Variants in ANKFN1 observed in about 807,000 individuals in gnomAD.
ANKFN1 encodes the protein ankyrin repeat and fibronectin type-III domain-containing protein 1.
A neutral mutation model predicts 108.7 loss-of-function variants in ANKFN1; 74 were observed. That is an observed-to-expected ratio of 0.68 (90% CI 0.56 to 0.83). ANKFN1 has a LOEUF of 0.83. Among genes scored for constraint, ANKFN1 ranks in the 40% least tolerant of loss-of-function variants. The pLI is 0.00. For synonymous variants in ANKFN1, 547 were observed against 516.2 expected, an observed-to-expected ratio of 1.06 and a Z score of -0.81; for missense variants, 1,505 against 1,382.3, an observed-to-expected ratio of 1.09 and a Z score of -1.41.
intron 8 of ANKFN1, among the ~76,000 whole-genome samples, chr17:56,414,000 T>C (rs1254838632): frequency 1.3e-5 from 2 of 152,120 alleles, no homozygotes; most frequent in Non-Finnish European, 2.9e-5. Flanking sequence ...TATTCATTTG[T>C]ATAGGTTGAA....
At chr17:56,229,661 CAAAAAAAAAAAA>C (rs58714064) in intron 3 of ANKFN1, among the ~76,000 whole-genome samples, 2 of 40,186 alleles carry the variant, frequency 5.0e-5, no homozygotes, top group African/African-American at 9.0e-5. Context: ...TTTCAGATTG[CAAAAAAAAAAAA>C]AAAAAAAAAA....
At chr17:56,354,202 G>A (rs572245863) in intron 6 of ANKFN1, among the ~76,000 whole-genome samples, 156 bp downstream of exon 6, 4 of 152,300 alleles carry the variant, frequency 2.6e-5, no homozygotes, top group Admixed American at 2.0e-4. Context: ...TGCAAATAGT[G>A]ACAGCATTTA....
chr17:56,289,526 A>G (rs751756521), intron 3 of ANKFN1, among the ~76,000 whole-genome samples: 8 of 152,152 alleles, frequency 5.3e-5, no homozygotes, highest in Non-Finnish European at 8.8e-5. Context: ...GGGCATCTCA[A>G]TTGAGTTCTT....
chr17:56,189,802 TG>T (rs1353523429), intron 1 of ANKFN1, among the ~76,000 whole-genome samples: 3 of 152,232 alleles, frequency 2.0e-5, no homozygotes, highest in Non-Finnish European at 4.4e-5. Context: ...AACTTCAGTC[TG>T]AACTTGTAAT....
intron 4 of ANKFN1, among the ~76,000 whole-genome samples, chr17:56,058,424 T>C (rs71387436): frequency 2.4e-3 from 364 of 152,370 alleles, no homozygotes; most frequent in Non-Finnish European, 4.2e-3. Flanking sequence ...AGGCAGCTTC[T>C]TTCCTTAAAC....
intron 3 of ANKFN1, among the ~76,000 whole-genome samples, chr17:56,267,130 T>C (rs1259513127): frequency 2.0e-5 from 3 of 152,172 alleles, no homozygotes; most frequent in Non-Finnish European, 4.4e-5. Context: ...CTCTCACTTA[T>C]AAGTCAGAAC....
At chr17:56,375,084 A>G (rs11871988) in intron 8 of ANKFN1, among the ~76,000 whole-genome samples, 95,917 of 152,024 alleles carry the variant, frequency 0.63, 32,956 homozygotes, top group East Asian at 0.96. Flanking sequence ...CATACTAAGT[A>G]GGGGTTAAAA....
rs151106943 is a variant in ANKFN1 at position 56,247,495 on chromosome 17, T to G, written c.53+19538T>G. ...CTTCAGAGTGATGCAAGTAGCTACA[T>G]AGTAGAAATTTATTGTTTTGAGCAT... On this transcript the variant is annotated intron_variant, in intron 3 of 20. Transcript: ENST00000682825. Among the ~76,000 whole-genome samples the G allele has an allele frequency of 3.4e-3, 512 of 152,248 alleles. 5 individuals carry two copies. The highest frequency in any genetic ancestry group is 4.2e-3 in the Non-Finnish European group (288 of 68,002).
chr17:56,330,211 A>T (rs941710608), intron 4 of ANKFN1, among the ~76,000 whole-genome samples: 1 of 92,846 alleles, frequency 1.1e-5, no homozygotes, highest in African/African-American at 2.7e-5. Context: ...ATGGAATCAC[A>T]GTTCCACATG....
intron 1 of ANKFN1, among the ~76,000 whole-genome samples, chr17:56,212,308 TG>T (rs1915077696): frequency 1.3e-5 from 2 of 152,202 alleles, no homozygotes; most frequent in East Asian, 3.9e-4. Flanking sequence ...ATGTACTTTT[TG>T]TTTTTAATTC....
intron 3 of ANKFN1, among the ~76,000 whole-genome samples, chr17:56,231,631 C>T (rs1168680600): frequency 1.3e-5 from 2 of 152,176 alleles, no homozygotes; most frequent in East Asian, 1.9e-4. Context: ...CTATGCCCAT[C>T]GTTCTTGGGC....
chr17:56,048,860 C>A (rs1427540434), intron 4 of ANKFN1, among the ~76,000 whole-genome samples: 1 of 152,114 alleles, frequency 6.6e-6, no homozygotes, highest in Non-Finnish European at 1.5e-5. Flanking sequence ...TAGAGCTAAG[C>A]GCACTTCTTG....
chr17:56,386,183 A>C (rs1308828198), intron 8 of ANKFN1, among the ~76,000 whole-genome samples: 5 of 151,552 alleles, frequency 3.3e-5, no homozygotes, highest in African/African-American at 4.8e-5. Context: ...GACATGGATG[A>C]AACTGGAAAT....
intron 4 of ANKFN1, among the ~76,000 whole-genome samples, chr17:56,330,297 C>T (rs2045628357): frequency 8.2e-6 from 1 of 122,546 alleles, no homozygotes; most frequent in Non-Finnish European, 1.9e-5. Context: ...CAGGCAAGAG[C>T]ACTTGTGCAG....
At chr17:56,420,683 C>CTTTT (rs755355387) in intron 8 of ANKFN1, among the ~76,000 whole-genome samples, 34 of 119,422 alleles carry the variant, frequency 2.8e-4, no homozygotes, top group Middle Eastern at 4.7e-3. Flanking sequence ...CTGACTCCTT[C>CTTTT]TTTTTTTTTT....
In ANKFN1 at chr17:56,514,693, A is replaced by G. The variant is rs1006215192; in HGVS notation, c.*3424A>G. Among the ~76,000 whole-genome samples, 2 of 152,172 alleles carry G rather than the reference A, an allele frequency of 1.3e-5. No homozygotes were observed. The highest frequency in any genetic ancestry group is 2.4e-5 in the African/African-American group (1 of 41,454). The stretch of plus-strand genomic sequence containing the variant: ...ATAATTACACTGGAGAAATTGTTTC[A>G]TTTGGTTTGAAAATTGAAGCAAGTT... On this transcript the variant is annotated 3_prime_UTR_variant, in exon 21 of 21. Transcript: ENST00000682825.
Position 56,511,091 on chromosome 17 carries a change from G to GT in ANKFN1, c.3263_3264insT (p.Arg1089ProfsTer129). The GT allele has an allele frequency of 6.5e-7, 1 of 1,535,972 alleles. No individual in the cohort carries two copies. Among genetic ancestry groups the GT allele is most frequent in the Non-Finnish European group, 8.7e-7 (1 of 1,146,848 alleles). On this transcript the variant is annotated frameshift_variant, in exon 21 of 21. Coordinates refer to ENST00000682825, the MANE Select transcript of ANKFN1 (RefSeq NM_001370326.1). LOFTEE classifies it low-confidence loss of function (END_TRUNC). Reference sequence around the variant, plus strand: ...CTCCAGGACGCGAGGCCTTCCGTCCGCCGCCTCTACGTGGAGCCCTACGCA... The same window carrying GT: ...CTCCAGGACGCGAGGCCTTCCGTCCGTCCGCCTCTACGTGGAGCCCTACGCA...
intron 8 of ANKFN1, among the ~76,000 whole-genome samples, chr17:56,381,441 A>G (rs1455347202): frequency 6.6e-6 from 1 of 152,246 alleles, no homozygotes; most frequent in Non-Finnish European, 1.5e-5. Flanking sequence ...ACAGAGAATG[A>G]CTTTGATGAG....
At chr17:56,279,513 C>T (rs996181226) in intron 3 of ANKFN1, among the ~76,000 whole-genome samples, 8 of 152,190 alleles carry the variant, frequency 5.3e-5, no homozygotes, top group African/African-American at 1.9e-4. Flanking sequence ...AACACAAAGA[C>T]AGCTATTGAC....
Sources: gnomAD v4.1 joint callset for allele counts (sites outside exome capture counted in the v4.1 genomes callset) on GRCh38, gnomAD v4.1.1 for gene constraint, MANE v1.5 for transcripts, NCBI Gene and HGNC (gene_info 2026-07-23, HGNC 2026-07-21) for gene names.